Variants in SCAPER observed in about 807,000 individuals in gnomAD.
The protein encoded by SCAPER is S-phase cyclin A associated protein in the ER.
Under a neutral mutation model 182.2 loss-of-function variants are expected in SCAPER, and 98 were observed. That is an observed-to-expected ratio of 0.54 (90% CI 0.46 to 0.64). The LOEUF (loss-of-function observed/expected upper bound fraction) is 0.64. Among genes scored for constraint, SCAPER ranks in the 30% least tolerant of loss-of-function variants. The pLI is 0.00. For missense variants in SCAPER, 1,432 were observed against 1,690.0 expected, an observed-to-expected ratio of 0.85 and a Z score of 2.68; for synonymous variants, 605 against 564.6, an observed-to-expected ratio of 1.07 and a Z score of -1.01.
At chr15:76,541,099 G>A (rs1436970530) in intron 23 of SCAPER, among the ~76,000 whole-genome samples, 1 of 151,506 alleles carries the variant, frequency 6.6e-6, no homozygotes, top group East Asian at 1.9e-4. Flanking sequence ...CAGCCTGAAT[G>A]ACAGGGCAAG....
At chr15:76,864,164 A>G (rs1442640090) in intron 2 of SCAPER, among the ~76,000 whole-genome samples, 2 of 152,206 alleles carry the variant, frequency 1.3e-5, no homozygotes, top group African/African-American at 2.4e-5. Flanking sequence ...CTATTTCTAT[A>G]CAGATATTAA....
intron 22 of SCAPER, among the ~76,000 whole-genome samples, chr15:76,594,610 C>T (rs1313716887): frequency 8.2e-6 from 1 of 121,786 alleles, no homozygotes; most frequent in East Asian, 2.2e-4. Context: ...GGAAGCCCAT[C>T]AGACTAACAG....
At chr15:76,532,848 G>A (rs2043794914) in intron 23 of SCAPER, among the ~76,000 whole-genome samples, 1 of 152,120 alleles carries the variant, frequency 6.6e-6, no homozygotes, top group Non-Finnish European at 1.5e-5. Flanking sequence ...TTGGGAGGTG[G>A]GAAGTGAGAG....
intron 27 of SCAPER, among the ~76,000 whole-genome samples, chr15:76,382,355 T>G (rs1040487126): frequency 7.2e-6 from 1 of 138,030 alleles, no homozygotes; most frequent in Admixed American, 7.4e-5. Flanking sequence ...TATTTTTTAT[T>G]TTTTTCTTTT....
intron 18 of SCAPER, among the ~76,000 whole-genome samples, chr15:76,705,364 C>T (rs1303630412): frequency 7.9e-6 from 1 of 126,446 alleles, no homozygotes; most frequent in African/African-American, 3.1e-5. Context: ...CACATGGACA[C>T]AGGAAGGGGA....
chr15:76,605,514 G>C (rs2050307792), intron 22 of SCAPER, among the ~76,000 whole-genome samples: 1 of 152,158 alleles, frequency 6.6e-6, no homozygotes, highest in South Asian at 2.1e-4. Context: ...CCAGGCTTTG[G>C]TATCAGGTTG....
At chr15:76,587,845 T>C (rs868003253) in intron 22 of SCAPER, among the ~76,000 whole-genome samples, 2 of 152,182 alleles carry the variant, frequency 1.3e-5, no homozygotes, top group South Asian at 2.1e-4. Flanking sequence ...TCTGTCTTGA[T>C]GACCTGCCTA....
At chr15:76,711,778 G>A (rs2059588147) in intron 17 of SCAPER, among the ~76,000 whole-genome samples, 1 of 152,000 alleles carries the variant, frequency 6.6e-6, no homozygotes, top group Non-Finnish European at 1.5e-5. Context: ...ATTTTTTGAT[G>A]GGGTTGTTTG....
At chr15:76,554,722 G>A (rs750464544) in intron 23 of SCAPER, among the ~76,000 whole-genome samples, 3 of 150,834 alleles carry the variant, frequency 2.0e-5, no homozygotes, top group Admixed American at 6.6e-5. Context: ...TCACATCAGG[G>A]TAACAGTGAA....
At chr15:76,561,776 C>T (rs2046647777) in intron 23 of SCAPER, among the ~76,000 whole-genome samples, 1 of 150,798 alleles carries the variant, frequency 6.6e-6, no homozygotes, top group Non-Finnish European at 1.5e-5. Flanking sequence ...ATGGCTCAAT[C>T]TCGGCTCACT....
intron 24 of SCAPER, among the ~76,000 whole-genome samples, chr15:76,486,131 CG>C (rs1395325217): frequency 6.6e-6 from 1 of 151,770 alleles, no homozygotes; most frequent in Non-Finnish European, 1.5e-5. Context: ...GGCATGAACC[CG>C]GGAGGCAGAG....
intron 15 of SCAPER, among the ~76,000 whole-genome samples, chr15:76,742,131 C>T (rs1473388058): frequency 1.3e-5 from 2 of 151,936 alleles, no homozygotes; most frequent in Non-Finnish European, 2.9e-5. Context: ...TATGAAGTGA[C>T]TCAGAAAAGT....
intron 5 of SCAPER, among the ~76,000 whole-genome samples, chr15:76,829,988 A>G (rs2068315401): frequency 6.6e-6 from 1 of 152,250 alleles, no homozygotes; most frequent in Non-Finnish European, 1.5e-5. Context: ...CTATAAGAGC[A>G]TATCATAGTC....
intron 20 of SCAPER, among the ~76,000 whole-genome samples, chr15:76,675,008 G>A (rs2057283026): frequency 6.6e-6 from 1 of 152,136 alleles, no homozygotes; most frequent in Admixed American, 6.5e-5. Context: ...ATAATGAAAT[G>A]TTACCTGGAA....
At chr15:76,718,072 ATTG>A (rs1208576491) in intron 17 of SCAPER, among the ~76,000 whole-genome samples, 3 of 152,330 alleles carry the variant, frequency 2.0e-5, no homozygotes, top group East Asian at 3.9e-4. Flanking sequence ...AATTGTACCT[ATTG>A]TTGTTTCAGA....
intron 20 of SCAPER, among the ~76,000 whole-genome samples, chr15:76,671,432 T>C (rs1187401271): frequency 1.3e-5 from 2 of 151,912 alleles, no homozygotes; most frequent in South Asian, 2.1e-4. Flanking sequence ...GTAAAACCCA[T>C]GAAAAATATT....
intron 29 of SCAPER, among the ~76,000 whole-genome samples, chr15:76,369,064 C>G (rs1330866554): frequency 2.0e-5 from 3 of 152,184 alleles, no homozygotes; most frequent in Non-Finnish European, 4.4e-5. Context: ...GATGGGACGT[C>G]ACTTTTATTA....
chr15:76,633,268 C>A (rs1240382066), intron 21 of SCAPER, among the ~76,000 whole-genome samples: 1 of 152,174 alleles, frequency 6.6e-6, no homozygotes, highest in Non-Finnish European at 1.5e-5. Context: ...GTGGACGCTG[C>A]CGAACAACAA....
At chr15:76,802,484 A>G (rs1411114884) in intron 6 of SCAPER, among the ~76,000 whole-genome samples, 1 of 152,164 alleles carries the variant, frequency 6.6e-6, no homozygotes, top group Non-Finnish European at 1.5e-5. Context: ...GCTTAGTACA[A>G]ACAAAGACAT....
Sources: allele counts gnomAD v4.1 joint callset (sites outside exome capture counted in the v4.1 genomes callset), GRCh38; gene constraint gnomAD v4.1.1; transcripts MANE v1.5; gene names NCBI Gene and HGNC (gene_info 2026-07-23, HGNC 2026-07-21).